The following HOOK2 variants were observed in gnomAD, a reference collection of about 807,000 sequenced individuals.
HOOK2 encodes the protein hook microtubule tethering protein 2.
Under a neutral mutation model 111.9 loss-of-function variants are expected in HOOK2, and 108 were observed. The observed-to-expected ratio is 0.96, with a 90% CI of 0.83 to 1.13. The LOEUF is 1.13. Ranked by LOEUF, HOOK2 falls within the 50% of genes most tolerant of loss-of-function variation. The probability of loss-of-function intolerance (pLI) is 0.00; values close to 1 mark genes in which losing one functional copy is unlikely to be tolerated. For synonymous variants in HOOK2, 405 were observed against 394.3 expected (o/e 1.03, Z -0.32); for missense variants, 978 against 951.3 (o/e 1.03, Z -0.37).
upstream of HOOK2, among the ~76,000 whole-genome samples, chr19:12,782,849 C>A (rs1009425333): frequency 2.6e-5 from 4 of 151,680 alleles, no homozygotes; most frequent in South Asian, 6.2e-4. Context: ...GGAGGGCAGT[C>A]CCTGTTGGGG....
chr19:12,764,709 A>C, intron 20 of HOOK2, 105 bp downstream of exon 20: 1 of 864,936 alleles, frequency 1.2e-6, no homozygotes. Flanking sequence ...TATGACAGGT[A>C]TGAGTTGGGG....
intron 6 of HOOK2, 147 bp from the exon 7 acceptor site, chr19:12,772,399 C>G: frequency 9.4e-7 from 1 of 1,062,672 alleles, no homozygotes; most frequent in Admixed American, 1.9e-5. Flanking sequence ...CCTCCTGCCT[C>G]CAACACAGAG....
At chr19:12,776,291 G>A (rs1022468491), upstream of HOOK2, among the ~76,000 whole-genome samples, 9 of 152,002 alleles carry the variant, frequency 5.9e-5, no homozygotes, top group African/African-American at 2.2e-4. Flanking sequence ...TTTTCCCGCC[G>A]GACGCGGTGG....
chr19:12,765,777 T>C, intron 17 of HOOK2, 52 bp downstream of exon 17: 1 of 1,614,068 alleles, frequency 6.2e-7, no homozygotes, highest in Non-Finnish European at 8.5e-7. Context: ...GCCCTAATTC[T>C]TCCTTCCCAG....
rs1232120106 is a variant in HOOK2 at position 12,791,821 on chromosome 19, C to T, written n.42-17596G>A. On this transcript the variant is annotated intron_variant and non_coding_transcript_variant, in intron 3 of 3. Coordinates refer to the HOOK2 transcript ENST00000589765. This position sits in a 1 kb window ranked among gnomAD's most constrained non-coding sequence, Gnocchi z 7.0. ...TTCTACCACGACGACTCATACACAG[C>T]TACGGGATACGGCCGGGCCCCTGGT... 3 of 1,613,660 alleles carry T rather than the reference C, an allele frequency of 1.9e-6. No individual in the cohort carries two copies. Among genetic ancestry groups the T allele is most frequent in the Non-Finnish European group, 2.5e-6 (3 of 1,179,858 alleles).
At chr19:12,781,288 G>A (rs1169964002), upstream of HOOK2, among the ~76,000 whole-genome samples, 2 of 150,450 alleles carry the variant, frequency 1.3e-5, no homozygotes, top group African/African-American at 4.9e-5. Flanking sequence ...GGGCGACAGA[G>A]CAAGACTCCG....
intron 3 of HOOK2, among the ~76,000 whole-genome samples, chr19:12,787,383 C>A (rs1028223871): frequency 9.2e-5 from 14 of 152,080 alleles, no homozygotes; most frequent in African/African-American, 3.1e-4. Context: ...GTAATCCCAG[C>A]ACTTTGGGAG....
rs540605730 is a variant in HOOK2, at chr19:12,783,916, C to T, written n.42-9691G>A. On this transcript the variant is annotated intron_variant and non_coding_transcript_variant, in intron 3 of 3. Coordinates refer to the HOOK2 transcript ENST00000589765. ...TCCACCCCCTGCCCGAGGCAGGCAC[C>T]CAGGAAGTGAGAGGCGGGGCAGGAA... is the stretch of plus-strand genomic sequence containing the variant. 1.1e-3 allele frequency among the ~76,000 whole-genome samples: 171 copies of T among 152,236 alleles called. 1 individual carries two copies. The highest frequency in any genetic ancestry group is 3.9e-3 in the African/African-American group (163 of 41,530).
chr19:12,787,819 G>A (rs1386517729), intron 3 of HOOK2, among the ~76,000 whole-genome samples: 1 of 152,086 alleles, frequency 6.6e-6, no homozygotes, highest in African/African-American at 2.4e-5. Flanking sequence ...TACTTTGGGA[G>A]ACTCAGGCGG....
intron 11 of HOOK2, 26 bp downstream of exon 11, chr19:12,769,855 C>A: frequency 2.2e-6 from 3 of 1,390,802 alleles, no homozygotes; most frequent in Non-Finnish European, 2.8e-6. Flanking sequence ...GGCGGGGCCC[C>A]GGCCCTAACC....
chr19:12,771,008 G>A lies in HOOK2; in HGVS notation c.826C>T (p.Leu276=). 1.2e-6 allele frequency: 2 copies of A among 1,612,852 alleles called. No homozygotes were observed. The highest frequency in any genetic ancestry group is 1.7e-6 in the Non-Finnish European group (2 of 1,179,716). The part of the protein sequence containing the change: ...CAELEREVAE[L]QHRNQALTSL... Reference sequence around the variant, plus strand: ...GTCAGCGCCTGGTTCCGGTGCTGCAGCTCCGCAACCTCCCTCTCCAGCTCG... The same window carrying A: ...GTCAGCGCCTGGTTCCGGTGCTGCAACTCCGCAACCTCCCTCTCCAGCTCG... The change falls in exon 10 of 23, where the codon CTG becomes TTG. Residue 276 remains leucine (L), a synonymous_variant. Coordinates refer to ENST00000397668, the MANE Select transcript of HOOK2 (RefSeq NM_013312.3).
intron 11 of HOOK2, among the ~76,000 whole-genome samples, chr19:12,768,430 A>C (rs904895002): frequency 1.3e-5 from 2 of 152,024 alleles, no homozygotes; most frequent in South Asian, 4.1e-4. Context: ...CCATACAACC[A>C]TTCTGTTTTT....
Position 12,774,792 on chromosome 19 carries a change from T to G in HOOK2, c.131+20A>C. The G allele has an allele frequency of 1.9e-6, 3 of 1,613,434 alleles. No individual in the cohort carries two copies. The highest frequency in any genetic ancestry group is 2.5e-6 in the Non-Finnish European group (3 of 1,179,430). On this transcript the variant is annotated intron_variant, in intron 2 of 22. Transcript: ENST00000397668. Reference sequence around the variant, plus strand: ...AGACTGGGGGACACTTTTGGGATCCTCCCCTTCAGCTCCACTCACATCTGG... The same window carrying G: ...AGACTGGGGGACACTTTTGGGATCCGCCCCTTCAGCTCCACTCACATCTGG...
chr19:12,767,992 GC>G lies in HOOK2; in HGVS notation c.1215+20del. The G allele has an allele frequency of 5.0e-6, 8 of 1,612,474 alleles. No individual in the cohort carries two copies. The highest frequency in any genetic ancestry group is 6.8e-6 in the Non-Finnish European group (8 of 1,178,578). ...CCAGAATTGGCAGGGTGGGGCTTGG[GC>G]AGTGGAACCTCAGCCTCACCTCCTT... On this transcript the variant is annotated intron_variant, in intron 12 of 22. Transcript: ENST00000397668.
chr19:12,789,442 G>C (rs1190584296), intron 3 of HOOK2, among the ~76,000 whole-genome samples: 1 of 152,282 alleles, frequency 6.6e-6, no homozygotes, highest in East Asian at 1.9e-4. Context: ...CTCTAGGGAA[G>C]GAGGGGGGCT....
chr19:12,772,187 T>C lies in HOOK2; in HGVS notation c.519+3A>G, dbSNP rs1287742317. 6.2e-7 allele frequency: 1 copy of C among 1,608,896 alleles called. No homozygotes were observed. The highest frequency in any genetic ancestry group is 1.3e-5 in the African/African-American group (1 of 74,820). ...TGGAACACCTTTCCCCCAAATCTCTTACCTGGCTGTCAAAGTTGCCATACG... is the reference window on the plus strand; with the variant it reads ...TGGAACACCTTTCCCCCAAATCTCTCACCTGGCTGTCAAAGTTGCCATACG... On this transcript the variant is annotated splice_donor_region_variant and intron_variant, in intron 7 of 22. Coordinates refer to ENST00000397668, the MANE Select transcript of HOOK2 (RefSeq NM_013312.3).
upstream of HOOK2, among the ~76,000 whole-genome samples, chr19:12,780,482 A>G (rs371030471): frequency 1.3e-5 from 2 of 150,260 alleles, no homozygotes; most frequent in Non-Finnish European, 3.0e-5. Flanking sequence ...TCAGCCTCCC[A>G]AGTAGCTGGG....
At chr19:12,768,453 A>C (rs1968220966) in intron 11 of HOOK2, among the ~76,000 whole-genome samples, 1 of 152,138 alleles carries the variant, frequency 6.6e-6, no homozygotes, top group African/African-American at 2.4e-5. Flanking sequence ...ATTGCAATGA[A>C]TTAGTCTTCA....
At chr19:12,787,986 C>T (rs1968672740) in intron 3 of HOOK2, among the ~76,000 whole-genome samples, 2 of 151,920 alleles carry the variant, frequency 1.3e-5, no homozygotes, top group South Asian at 2.1e-4. Context: ...ACCCAGGAGG[C>T]GGAGGTTGCA....
Sources: gnomAD v4.1 joint callset for allele counts (sites outside exome capture counted in the v4.1 genomes callset) on GRCh38, gnomAD v4.1.1 for gene constraint, Gnocchi (gnomAD v3.1) non-coding constraint, MANE v1.5 for transcripts, NCBI Gene and HGNC (gene_info 2026-07-23, HGNC 2026-07-21) for gene names.